The following AP2B1 variants were observed in gnomAD, a reference collection of about 807,000 sequenced individuals.
The protein encoded by AP2B1 is adaptor related protein complex 2 subunit beta 1.
In AP2B1, 23 loss-of-function variants were observed where a neutral mutation model predicts 102.0. That is an observed-to-expected ratio of 0.23 (90% confidence interval 0.16 to 0.32). The LOEUF is 0.32. Ranked by LOEUF, AP2B1 falls within the 10% of genes least tolerant of loss-of-function variation. The pLI, the probability that AP2B1 is intolerant of heterozygous loss-of-function variation, is 1.00. For missense variants in AP2B1, 541 were observed against 1,157.4 expected, an observed-to-expected ratio of 0.47 and a Z score of 7.73; for synonymous variants, 381 against 421.2, an observed-to-expected ratio of 0.90 and a Z score of 1.17.
chr17:35,622,183 T>G (rs1402600180), intron 5 of AP2B1, among the ~76,000 whole-genome samples: 1 of 152,184 alleles, frequency 6.6e-6, no homozygotes, highest in East Asian at 1.9e-4. Context: ...ATCCAGTAGG[T>G]GGGCTAGATA....
intron 20 of AP2B1, among the ~76,000 whole-genome samples, chr17:35,715,724 C>T (rs1555589552): frequency 6.6e-6 from 1 of 152,214 alleles, no homozygotes; most frequent in African/African-American, 2.4e-5. Flanking sequence ...CCCCTTCTTC[C>T]AGCAATATTG....
intron 6 of AP2B1, among the ~76,000 whole-genome samples, chr17:35,625,196 C>G (rs1341102776): frequency 6.6e-6 from 1 of 152,162 alleles, no homozygotes; most frequent in East Asian, 1.9e-4. Context: ...GGAATTATCC[C>G]TAATTTTTAT....
intron 18 of AP2B1, among the ~76,000 whole-genome samples, chr17:35,700,956 T>C (rs2076228492): frequency 6.6e-6 from 1 of 152,254 alleles, no homozygotes; most frequent in African/African-American, 2.4e-5. Context: ...GGTCACATGT[T>C]GCACATGACA....
chr17:35,708,021 C>A lies in AP2B1; in HGVS notation c.2455-1203C>A, dbSNP rs145886008. Among the ~76,000 whole-genome samples, 121 of 152,224 alleles carry A rather than the reference C, an allele frequency of 7.9e-4. No individual in the cohort carries two copies. In the Middle Eastern group the frequency reaches 0.027, roughly 34 times the overall value. On this transcript the variant is annotated intron_variant, in intron 18 of 21. Coordinates refer to ENST00000610402, the MANE Select transcript of AP2B1 (RefSeq NM_001030006.2). ...TTAAAGTAAGGAAGGTAAGTTGATA[C>A]TAAATGTAGAAGGACTGGAAGTACT...
chr17:35,672,716 G>T (rs2075614743), intron 16 of AP2B1, among the ~76,000 whole-genome samples: 1 of 152,126 alleles, frequency 6.6e-6, no homozygotes, highest in African/African-American at 2.4e-5. Flanking sequence ...TTTGTTGTAA[G>T]GTTTACTATA....
rs34182919 is a variant in AP2B1 at position 35,679,927 on chromosome 17, C to CT, written c.2325-2752dup. Among the ~76,000 whole-genome samples the CT allele has an allele frequency of 4.8e-3, 662 of 136,768 alleles. 5 individuals are homozygous for CT. The highest frequency in any genetic ancestry group is 7.4e-3 in the Middle Eastern group (2 of 272). The allele number at this position is 136,768 out of a possible 152,430, so 89.7% of individuals were successfully genotyped here. On this transcript the variant is annotated intron_variant, in intron 17 of 21. Transcript: ENST00000610402. ...TCTTGGAAGAGTATGTGTGTAAACT[C>CT]TTTTTTTTTTTTTTTTGAGACAGAG...
At chr17:35,664,274 G>A (rs1213790280) in intron 14 of AP2B1, among the ~76,000 whole-genome samples, 1 of 152,012 alleles carries the variant, frequency 6.6e-6, no homozygotes, top group Non-Finnish European at 1.5e-5. Flanking sequence ...ATTTTTTTGA[G>A]ACAAGGTCTC....
intron 3 of AP2B1, among the ~76,000 whole-genome samples, chr17:35,599,975 A>G (rs996495486): frequency 1.3e-5 from 2 of 152,232 alleles, no homozygotes; most frequent in African/African-American, 4.8e-5. Flanking sequence ...ATCAAGTACA[A>G]AAAGTTTATC....
chr17:35,612,254 G>A (rs1042284777), intron 5 of AP2B1, among the ~76,000 whole-genome samples: 3 of 152,202 alleles, frequency 2.0e-5, no homozygotes, highest in East Asian at 3.9e-4. Context: ...TCTCAGGTGC[G>A]AACTCTGTAC....
At chr17:35,656,024 G>A (rs563267777) in intron 13 of AP2B1, among the ~76,000 whole-genome samples, 96 of 152,228 alleles carry the variant, frequency 6.3e-4, no homozygotes, top group African/African-American at 2.2e-3. Flanking sequence ...TATATGTGTT[G>A]TGAATATCTT....
At chr17:35,635,290 G>T (rs1378598726) in intron 9 of AP2B1, among the ~76,000 whole-genome samples, 1 of 152,156 alleles carries the variant, frequency 6.6e-6, no homozygotes, top group Non-Finnish European at 1.5e-5. Flanking sequence ...CTGACTTCAG[G>T]TAATCCACCC....
chr17:35,670,983 C>G, intron 15 of AP2B1, 85 bp downstream of exon 15: 1 of 1,398,502 alleles, frequency 7.2e-7, no homozygotes, highest in African/African-American at 1.4e-5. Flanking sequence ...AGACCAGCCA[C>G]TGCTGCTGTC....
rs1304900582 is a variant in AP2B1, at chr17:35,725,754, C to CA, written c.*2058dup. ...CACACTGCAAATAGTGTTCTCATCT[C>CA]AAAGCAAACTATCATTCCAGAAGGA... On this transcript the variant is annotated 3_prime_UTR_variant, in exon 22 of 22. Transcript: ENST00000610402. 1.3e-5 allele frequency: 2 copies of CA among 152,582 alleles called. No homozygotes were observed. Among genetic ancestry groups the CA allele is most frequent in the Non-Finnish European group, 2.9e-5 (2 of 68,030 alleles). 9.5% of individuals were successfully genotyped at this position (152,582 alleles called of 1,614,324 possible).
At chr17:35,650,430 A>G in intron 12 of AP2B1, 100 bp from the exon 13 acceptor site, 2 of 1,412,574 alleles carry the variant, frequency 1.4e-6, no homozygotes, top group Non-Finnish European at 1.9e-6. Flanking sequence ...CCCAGTCTGC[A>G]TAAATCACTA....
intron 18 of AP2B1, among the ~76,000 whole-genome samples, chr17:35,699,558 C>G (rs1486107053): frequency 6.6e-6 from 1 of 152,060 alleles, no homozygotes; most frequent in Non-Finnish European, 1.5e-5. Context: ...TGAATCCTAG[C>G]CTTGGAAGTG....
At chr17:35,695,351 T>C (rs185900578) in intron 18 of AP2B1, among the ~76,000 whole-genome samples, 86 of 152,170 alleles carry the variant, frequency 5.7e-4, no homozygotes, top group African/African-American at 2.0e-3. Flanking sequence ...ATGAGGGAGC[T>C]ACCCAGGAGT....
rs930529979 is a variant in AP2B1, at chr17:35,597,019, A to G, written c.38-1211A>G. On this transcript the variant is annotated intron_variant, in intron 2 of 21. Transcript: ENST00000610402. Reference sequence around the variant, plus strand: ...GGCGCCTGCACGGTCCAGCTCGGACACAGGTGGCGGCGAAGCCCCGTTGTG... The same window carrying G: ...GGCGCCTGCACGGTCCAGCTCGGACGCAGGTGGCGGCGAAGCCCCGTTGTG... The G allele has an allele frequency of 8.0e-6, 5 of 621,730 alleles. No individual in the cohort carries two copies. In the African/African-American group the frequency reaches 9.2e-5, roughly 11 times the overall value. 38.5% of individuals were successfully genotyped at this position (621,730 alleles called of 1,614,324 possible).
At chr17:35,697,821 G>A (rs1190784188) in intron 18 of AP2B1, among the ~76,000 whole-genome samples, 1 of 152,136 alleles carries the variant, frequency 6.6e-6, no homozygotes, top group Admixed American at 6.5e-5. Context: ...AATTAGCCGG[G>A]TGTAGTGGCA....
At chr17:35,673,828 C>T (rs960596408) in intron 16 of AP2B1, among the ~76,000 whole-genome samples, 2 of 152,172 alleles carry the variant, frequency 1.3e-5, no homozygotes, top group Non-Finnish European at 2.9e-5. Flanking sequence ...ACATTATGCT[C>T]ATTGGAATTT....
Sources: gnomAD v4.1 joint callset for allele counts (sites outside exome capture counted in the v4.1 genomes callset) on GRCh38, gnomAD v4.1.1 for gene constraint, MANE v1.5 for transcripts, NCBI Gene and HGNC (gene_info 2026-07-23, HGNC 2026-07-21) for gene names.